Variants in TLN2 observed in about 807,000 individuals in gnomAD.
The protein encoded by TLN2 is talin 2, also known as talin-2.
Under a neutral mutation model 294.7 loss-of-function variants are expected in TLN2, and 118 were observed. That is an observed-to-expected ratio of 0.40 (90% confidence interval 0.34 to 0.47). TLN2 has a LOEUF of 0.47. Ranked by LOEUF, TLN2 falls within the 20% of genes least tolerant of loss-of-function variation. The pLI, the probability that TLN2 is intolerant of heterozygous loss-of-function variation, is 0.84. For synonymous variants in TLN2, 1,431 were observed against 1,304.5 expected, an observed-to-expected ratio of 1.10 and a Z score of -2.09; for missense variants, 3,083 against 3,282.2, an observed-to-expected ratio of 0.94 and a Z score of 1.48.
chr15:62,501,833 C>G (rs924349700), intron 1 of TLN2, among the ~76,000 whole-genome samples: 4 of 152,140 alleles, frequency 2.6e-5, no homozygotes, highest in Non-Finnish European at 5.9e-5. Flanking sequence ...TTTGAATAAT[C>G]ATGTAAGCCT....
chr15:62,751,356 G>A (rs1467625528), intron 34 of TLN2, among the ~76,000 whole-genome samples: 1 of 152,148 alleles, frequency 6.6e-6, no homozygotes, highest in African/African-American at 2.4e-5. Context: ...GTTTGATTTG[G>A]GCTAAAACTA....
At chr15:62,686,935 C>A in intron 12 of TLN2, 139 bp downstream of exon 12, 1 of 1,211,932 alleles carries the variant, frequency 8.3e-7, no homozygotes, top group Admixed American at 2.7e-5. Flanking sequence ...ATGGTGCAAG[C>A]CCATGGGCAG....
At chr15:62,624,304 A>T (rs1281723717) in intron 3 of TLN2, among the ~76,000 whole-genome samples, 2 of 152,044 alleles carry the variant, frequency 1.3e-5, no homozygotes, top group African/African-American at 4.8e-5. Context: ...TATTTTTCTG[A>T]TGGATTTAAA....
At chr15:62,673,322 T>TTTTTTTC (rs1555465070) in intron 9 of TLN2, among the ~76,000 whole-genome samples, 1,545 of 140,168 alleles carry the variant, frequency 0.011, 101 homozygotes, top group African/African-American at 0.039. Flanking sequence ...TTTTTTTTTT[T>TTTTTTTC]TTTTTTGCAA....
chr15:62,468,281 TC>T (rs2037255737), intron 1 of TLN2, among the ~76,000 whole-genome samples: 1 of 152,146 alleles, frequency 6.6e-6, no homozygotes, highest in Non-Finnish European at 1.5e-5. Context: ...GATTTAAACT[TC>T]TTTGAAATGC....
chr15:62,840,710 T>G lies in TLN2; in HGVS notation c.*100T>G, dbSNP rs2070578323. 7 of 1,487,574 alleles carry G rather than the reference T, an allele frequency of 4.7e-6. No homozygotes were observed. Among genetic ancestry groups the G allele is most frequent in the Middle Eastern group, 2.2e-4 (1 of 4,582 alleles). The allele number at this position is 1,487,574 out of a possible 1,614,324, so 92.1% of individuals were successfully genotyped here. ...GGCACTTAGCTGGAAACCGCCCACC[T>G]CCCTCCCGGGTGAGCCTGGAGCCCT... On this transcript the variant is annotated 3_prime_UTR_variant, in exon 59 of 59. Transcript: ENST00000636159.
At chr15:62,762,025 T>G (rs999225521) in intron 38 of TLN2, among the ~76,000 whole-genome samples, 9 of 152,176 alleles carry the variant, frequency 5.9e-5, no homozygotes, top group African/African-American at 1.7e-4. Flanking sequence ...GAGAACAATC[T>G]TACTGCCTAG....
chr15:62,600,382 AC>A (rs200276372), intron 2 of TLN2, among the ~76,000 whole-genome samples: 2,730 of 152,340 alleles, frequency 0.018, 39 homozygotes, highest in Middle Eastern at 0.031. Flanking sequence ...GGAAGGTGCC[AC>A]ATTAGAGGCC....
At chr15:62,830,150 A>G (rs1302231423) in intron 54 of TLN2, 2 of 152,208 alleles carry the variant, frequency 1.3e-5, no homozygotes, top group Non-Finnish European at 2.9e-5. Flanking sequence ...CCAATTGTGG[A>G]AAGAATGAAA....
intron 22 of TLN2, among the ~76,000 whole-genome samples, chr15:62,715,380 A>G (rs905033451): frequency 4.6e-5 from 7 of 152,242 alleles, no homozygotes; most frequent in African/African-American, 1.4e-4. Context: ...TCATTGATCT[A>G]TAGACATCAA....
chr15:62,642,452 G>C (rs2051232066), intron 3 of TLN2, among the ~76,000 whole-genome samples: 1 of 152,222 alleles, frequency 6.6e-6, no homozygotes, highest in African/African-American at 2.4e-5. Context: ...AGGGGTTCGG[G>C]TGCAGAAGAG....
intron 38 of TLN2, 23 bp downstream of exon 38, chr15:62,761,844 T>C: frequency 6.2e-7 from 1 of 1,613,798 alleles, no homozygotes; most frequent in South Asian, 1.1e-5. Flanking sequence ...TACAGGAACA[T>C]CATACTAAGG....
intron 22 of TLN2, among the ~76,000 whole-genome samples, chr15:62,713,929 A>ATATATAGC (rs368958929): frequency 8.0e-6 from 1 of 125,210 alleles, no homozygotes; most frequent in African/African-American, 2.6e-5. Flanking sequence ...GTGTGTGTGT[A>ATATATAGC]TGTGTGTGTG....
intron 51 of TLN2, among the ~76,000 whole-genome samples, chr15:62,807,014 A>T (rs1036323664): frequency 6.6e-6 from 1 of 152,062 alleles, no homozygotes; most frequent in South Asian, 2.1e-4. Flanking sequence ...ACAGTACCAC[A>T]TTTATGGGAC....
chr15:62,405,546 CT>C (rs2033345303), intron 1 of TLN2, among the ~76,000 whole-genome samples: 2 of 152,186 alleles, frequency 1.3e-5, no homozygotes, highest in South Asian at 4.1e-4. Flanking sequence ...ATTTAATTTT[CT>C]GGCATTTTCC....
chr15:62,500,882 T>G (rs2039269607), intron 1 of TLN2, among the ~76,000 whole-genome samples: 1 of 152,266 alleles, frequency 6.6e-6, no homozygotes, highest in South Asian at 2.1e-4. Context: ...TCTCCCAGGC[T>G]GCTCTTGGCC....
intron 48 of TLN2, among the ~76,000 whole-genome samples, chr15:62,798,541 AAAC>A (rs2141137438): frequency 6.6e-6 from 1 of 152,012 alleles, no homozygotes; most frequent in South Asian, 2.1e-4. Flanking sequence ...AAAATTTAAA[AAAC>A]AAAAACAAAA....
chr15:62,577,646 AG>A (rs528093094), intron 1 of TLN2, among the ~76,000 whole-genome samples: 131 of 152,244 alleles, frequency 8.6e-4, no homozygotes, highest in African/African-American at 2.9e-3. Context: ...ATGAGTACAT[AG>A]GGGTTCATGA....
chr15:62,753,675 T>G, intron 35 of TLN2, 98 bp from the exon 36 acceptor site: 9 of 1,434,284 alleles, frequency 6.3e-6, no homozygotes, highest in Non-Finnish European at 8.4e-6. Flanking sequence ...GAGGAGTGCC[T>G]GAGTGTGACA....
Sources: allele counts gnomAD v4.1 joint callset (sites outside exome capture counted in the v4.1 genomes callset), GRCh38; gene constraint gnomAD v4.1.1; transcripts MANE v1.5; gene names NCBI Gene and HGNC (gene_info 2026-07-23, HGNC 2026-07-21).